The following PTPRG variants were observed in gnomAD, a reference collection of about 807,000 sequenced individuals.
PTPRG encodes the protein receptor-type tyrosine-protein phosphatase gamma.
A neutral mutation model predicts 165.3 loss-of-function variants in PTPRG; 102 were observed. The observed-to-expected ratio is 0.62, with a 90% confidence interval of 0.53 to 0.73. PTPRG has a LOEUF of 0.73. Among genes scored for constraint, PTPRG ranks in the 30% least tolerant of loss-of-function variants. The pLI is 0.00. For synonymous variants in PTPRG, 675 were observed against 669.5 expected (o/e 1.01, Z -0.13); for missense variants, 1,866 against 1,861.4 (o/e 1.00, Z -0.05).
chr3:62,060,759 T>C (rs1258735726), intron 4 of PTPRG, among the ~76,000 whole-genome samples: 1 of 152,238 alleles, frequency 6.6e-6, no homozygotes. Context: ...GTTTTATCTC[T>C]ATTCTTGCCT....
intron 6 of PTPRG, among the ~76,000 whole-genome samples, chr3:62,134,028 G>C (rs1229587546): frequency 6.6e-6 from 1 of 151,986 alleles, no homozygotes; most frequent in South Asian, 2.1e-4. Flanking sequence ...CCAGTTCTCA[G>C]TTTCTGGAAG....
At position 62,178,631 on chromosome 3, in the gene PTPRG, G is replaced by A. The variant is rs116754707; in HGVS notation, c.1033+10468G>A. Among the ~76,000 whole-genome samples the A allele has an allele frequency of 2.9e-3, 446 of 152,330 alleles. 2 individuals carry two copies. Among genetic ancestry groups the A allele is most frequent in the African/African-American group, 0.01 (436 of 41,580 alleles). ...GTCACTTAAAGTGTCAGGCACTCGT[G>A]TCAGGATGCTCTCAGGCAGAATCGG... On this transcript the variant is annotated intron_variant, in intron 8 of 29. Coordinates refer to ENST00000474889, the MANE Select transcript of PTPRG (RefSeq NM_002841.4).
At chr3:62,094,557 G>A (rs1002575428) in intron 5 of PTPRG, among the ~76,000 whole-genome samples, 2 of 152,116 alleles carry the variant, frequency 1.3e-5, no homozygotes, top group African/African-American at 4.8e-5. Flanking sequence ...CAAATTGGTT[G>A]TTGACGGTTA....
At chr3:61,731,905 G>C (rs1317903789) in intron 1 of PTPRG, among the ~76,000 whole-genome samples, 1 of 151,898 alleles carries the variant, frequency 6.6e-6, no homozygotes, top group Non-Finnish European at 1.5e-5. Flanking sequence ...AGGTTCAAGG[G>C]ATTCTCCTGC....
At chr3:61,658,961 T>A (rs1188619004) in intron 1 of PTPRG, among the ~76,000 whole-genome samples, 4 of 152,210 alleles carry the variant, frequency 2.6e-5, no homozygotes, top group Admixed American at 2.6e-4. Context: ...CTGGTTCTCA[T>A]GGCTTGCTTT....
intron 6 of PTPRG, among the ~76,000 whole-genome samples, chr3:62,152,472 C>T (rs1014535580): frequency 5.3e-5 from 8 of 152,188 alleles, no homozygotes; most frequent in Non-Finnish European, 8.8e-5. Flanking sequence ...TTGAGTCTGG[C>T]CAGTTGAGCC....
intron 2 of PTPRG, among the ~76,000 whole-genome samples, chr3:61,866,365 G>T (rs1288611114): frequency 2.6e-5 from 4 of 152,072 alleles, no homozygotes; most frequent in African/African-American, 4.8e-5. Flanking sequence ...GCTTACAGAA[G>T]GGCCAGAGGT....
chr3:61,692,835 AG>A (rs2030311874), intron 1 of PTPRG, among the ~76,000 whole-genome samples: 1 of 152,182 alleles, frequency 6.6e-6, no homozygotes, highest in Non-Finnish European at 1.5e-5. Context: ...TGCAGGTCAC[AG>A]GGGATATGAT....
chr3:62,012,007 C>T (rs1487208849), intron 4 of PTPRG, among the ~76,000 whole-genome samples: 1 of 151,634 alleles, frequency 6.6e-6, no homozygotes, highest in Non-Finnish European at 1.5e-5. Flanking sequence ...ACTTGGTGAC[C>T]GTGGTGGCCC....
At chr3:62,200,333 C>A (rs888466631) in intron 10 of PTPRG, among the ~76,000 whole-genome samples, 26 of 151,964 alleles carry the variant, frequency 1.7e-4, no homozygotes, top group African/African-American at 6.3e-4. Flanking sequence ...TGCAATGATG[C>A]AATCTCTGCT....
chr3:61,610,038 G>A (rs375619879), intron 1 of PTPRG, among the ~76,000 whole-genome samples: 2 of 147,678 alleles, frequency 1.4e-5, no homozygotes, highest in Non-Finnish European at 3.0e-5. Context: ...GTATGGAGAG[G>A]CAGTGAGGCA....
intron 1 of PTPRG, among the ~76,000 whole-genome samples, chr3:61,689,484 T>C (rs2030016188): frequency 6.6e-6 from 1 of 152,218 alleles, no homozygotes; most frequent in South Asian, 2.1e-4. Context: ...CTCAAATAAA[T>C]ACATAGGCCA....
At chr3:61,821,653 G>A (rs1378198619) in intron 2 of PTPRG, among the ~76,000 whole-genome samples, 2 of 152,144 alleles carry the variant, frequency 1.3e-5, no homozygotes, top group East Asian at 3.9e-4. Context: ...AGAAGACAGA[G>A]GCAAAAGAAG....
intron 4 of PTPRG, among the ~76,000 whole-genome samples, chr3:62,051,790 A>G (rs1700476310): frequency 6.6e-6 from 1 of 152,222 alleles, no homozygotes; most frequent in African/African-American, 2.4e-5. Flanking sequence ...CGGCGCCCTC[A>G]TGTGGTCTGT....
chr3:61,998,499 G>T (rs2041092979), intron 3 of PTPRG, among the ~76,000 whole-genome samples: 1 of 152,198 alleles, frequency 6.6e-6, no homozygotes, highest in South Asian at 2.1e-4. Context: ...AGGAACGAAG[G>T]CACCAAGAAG....
intron 12 of PTPRG, among the ~76,000 whole-genome samples, chr3:62,216,744 G>A (rs991355315): frequency 1.3e-5 from 2 of 152,106 alleles, no homozygotes; most frequent in East Asian, 1.9e-4. Flanking sequence ...CTGCTCTTAC[G>A]ACTAAATTCA....
At chr3:61,619,620 C>G (rs1370343461) in intron 1 of PTPRG, among the ~76,000 whole-genome samples, 1 of 152,158 alleles carries the variant, frequency 6.6e-6, no homozygotes. Context: ...CAAAAATGGG[C>G]TTGGGTTCAA....
chr3:61,785,142 C>A (rs2034655841), intron 2 of PTPRG, among the ~76,000 whole-genome samples: 1 of 152,170 alleles, frequency 6.6e-6, no homozygotes, highest in Non-Finnish European at 1.5e-5. Context: ...ACCATTTTTC[C>A]AAGCCACGTT....
intron 28 of PTPRG, among the ~76,000 whole-genome samples, chr3:62,291,871 T>G (rs1039081345): frequency 6.6e-6 from 1 of 152,182 alleles, no homozygotes; most frequent in Non-Finnish European, 1.5e-5. Flanking sequence ...AAGGATTTCA[T>G]AGAAAGTGCT....
Sources: allele counts gnomAD v4.1 joint callset (sites outside exome capture counted in the v4.1 genomes callset), GRCh38; gene constraint gnomAD v4.1.1; transcripts MANE v1.5; gene names NCBI Gene and HGNC (gene_info 2026-07-23, HGNC 2026-07-21).